SRPRA: variants seen among roughly 807,000 people sequenced by gnomAD.
SRPRA encodes SRP receptor subunit alpha, also known as signal recognition particle receptor subunit alpha.
A neutral mutation model predicts 61.1 loss-of-function variants in SRPRA; 30 were observed. The ratio of observed to expected loss-of-function variants is 0.49; its 90% CI spans 0.37 to 0.67. SRPRA has a LOEUF of 0.67. SRPRA is among the 30% of genes least tolerant of loss of function. The pLI, the probability that SRPRA is intolerant of heterozygous loss-of-function variation, is 0.00. For synonymous variants in SRPRA, 324 were observed against 299.7 expected, an observed-to-expected ratio of 1.08 and a Z score of -0.84; for missense variants, 759 against 828.4, an observed-to-expected ratio of 0.92 and a Z score of 1.03.
downstream of SRPRA, chr11:126,262,169 T>C: frequency 6.2e-7 from 1 of 1,608,952 alleles, no homozygotes; most frequent in South Asian, 1.1e-5. Flanking sequence ...TAGACCAAGC[T>C]GTAAGGCCCT....
At chr11:126,261,584 G>C, downstream of SRPRA, 1 of 939,592 alleles carries the variant, frequency 1.1e-6, no homozygotes. Flanking sequence ...ACCTCACATT[G>C]CCAAATTTTA....
chr11:126,243,916 A>AG, the SRPRA span, among the ~76,000 whole-genome samples: 1 of 152,062 alleles, frequency 6.6e-6, no homozygotes, highest in Non-Finnish European at 1.5e-5. Flanking sequence ...AAAAAAAAAA[A>AG]AAAGTCTGCA....
At chr11:126,261,543 T>G, downstream of SRPRA, 1 of 1,417,990 alleles carries the variant, frequency 7.1e-7, no homozygotes. Context: ...TTCTAGGTCC[T>G]TGGTTAAGAA....
rs755316277 is a variant in SRPRA at position 126,267,126 on chromosome 11, C to G, written c.526+49G>C. On this transcript the variant is annotated intron_variant, in intron 4 of 13. Coordinates refer to ENST00000332118, the MANE Select transcript of SRPRA (RefSeq NM_003139.4). This position sits in a 1 kb window ranked among gnomAD's most constrained non-coding sequence, Gnocchi z 4.2. ...GAAGGACCACCTCAGTCCTTAGCAC[C>G]GTGTTAACACCTTTCATGTCCCAGT... 1 of 1,608,178 alleles carries G rather than the reference C, an allele frequency of 6.2e-7. No homozygotes were observed. Among genetic ancestry groups the G allele is most frequent in the South Asian group, 1.1e-5 (1 of 90,436 alleles).
At chr11:126,258,028 CA>C (rs1425519127), downstream of SRPRA, among the ~76,000 whole-genome samples, 3 of 152,112 alleles carry the variant, frequency 2.0e-5, no homozygotes, top group African/African-American at 7.2e-5. Flanking sequence ...CATCTAATTC[CA>C]AAAAAACTTG....
chr11:126,264,738 A>G lies in SRPRA; in HGVS notation c.1526-199T>C. ...TCAGGAAAAGGAGGACAACAGGATG[A>G]AGGTGACCAAATTCAGGTTTCTCTG... On this transcript the variant is annotated intron_variant, in intron 11 of 13. Coordinates refer to ENST00000332118, the MANE Select transcript of SRPRA (RefSeq NM_003139.4). This position sits in a 1 kb window ranked among gnomAD's most constrained non-coding sequence, Gnocchi z 5.0. 1.3e-6 allele frequency: 1 copy of G among 760,212 alleles called. No homozygotes were observed. The allele number at this position is 760,212 out of a possible 1,614,324, so 47.1% of individuals were successfully genotyped here. A position where few individuals can be genotyped will look rare whatever the true frequency, so the allele number is the denominator to read the frequency against.
At position 126,264,699 on chromosome 11, in the gene SRPRA, A is replaced by G. The variant is rs918785979; in HGVS notation, c.1526-160T>C. On this transcript the variant is annotated intron_variant, in intron 11 of 13. Transcript: ENST00000332118. This position sits in a 1 kb window ranked among gnomAD's most constrained non-coding sequence, Gnocchi z 5.0. Reference sequence around the variant, plus strand: ...GAAAAACTTGATTATATGCTTGGCCATCACCAAACATATTCAGGAAAAGGA... The same window carrying G: ...GAAAAACTTGATTATATGCTTGGCCGTCACCAAACATATTCAGGAAAAGGA... 15 of 871,996 alleles carry G rather than the reference A, an allele frequency of 1.7e-5. No individual in the cohort carries two copies. Among genetic ancestry groups the G allele is most frequent in the Non-Finnish European group, 2.6e-5 (15 of 584,154 alleles). 54.0% of individuals were successfully genotyped at this position (871,996 alleles called of 1,614,324 possible).
the SRPRA span, chr11:126,250,507 G>A: frequency 7.5e-6 from 12 of 1,610,448 alleles, no homozygotes; most frequent in South Asian, 3.3e-5. The surrounding 1 kb of genome is among the most constrained non-coding windows in gnomAD (Gnocchi z 5.1). Context: ...CCTCCTCAGC[G>A]TACCAGTAAT....
At position 126,265,380 on chromosome 11, in the gene SRPRA, TG is replaced by T; in HGVS notation, c.1198del (p.Gln400SerfsTer4). ...QESLVQILQPQRRVDMLRDIM... is the reference protein window; with the variant it reads ...QESLVQILQPXRRVDMLRDIM... ...GTCCCGGAGCATGTCTACACGACGCTGTGGCTGCAGAATCTGCACCAGGGAC... is the reference window on the plus strand; with the variant it reads ...GTCCCGGAGCATGTCTACACGACGCTTGGCTGCAGAATCTGCACCAGGGAC... On this transcript the variant is annotated frameshift_variant, in exon 10 of 14. Transcript: ENST00000332118. LOFTEE classifies it high-confidence loss of function. This position sits in a 1 kb window ranked among gnomAD's most constrained non-coding sequence, Gnocchi z 6.3. 6.2e-7 allele frequency: 1 copy of T among 1,614,100 alleles called. No individual in the cohort carries two copies. Among genetic ancestry groups the T allele is most frequent in the Non-Finnish European group, 8.5e-7 (1 of 1,180,048 alleles).
At chr11:126,262,926 C>G (rs1950732227), downstream of SRPRA, 1 of 152,588 alleles carries the variant, frequency 6.6e-6, no homozygotes, top group Non-Finnish European at 1.5e-5. Context: ...AACTCCAAGA[C>G]CTAAAAGGCA....
chr11:126,250,697 A>G, the SRPRA span: 4 of 1,614,106 alleles, frequency 2.5e-6, no homozygotes. The surrounding 1 kb of genome is among the most constrained non-coding windows in gnomAD (Gnocchi z 5.1). Flanking sequence ...ATCAGGGGAA[A>G]CAGCTTGAAT....
intron 6 of SRPRA, 61 bp downstream of exon 6, chr11:126,266,415 C>A: frequency 1.9e-6 from 3 of 1,598,862 alleles, no homozygotes; most frequent in Non-Finnish European, 2.6e-6. Flanking sequence ...TATCACGTTC[C>A]CACACTCTAC....
chr11:126,261,396 A>C, downstream of SRPRA: 2 of 1,603,504 alleles, frequency 1.2e-6, no homozygotes, highest in Non-Finnish European at 1.7e-6. Flanking sequence ...TTTTCAGTCT[A>C]ATGTCTGATG....
the SRPRA span, among the ~76,000 whole-genome samples, chr11:126,253,578 T>C: frequency 4.6e-5 from 7 of 152,320 alleles, no homozygotes; most frequent in African/African-American, 1.7e-4. The surrounding 1 kb of genome is among the most constrained non-coding windows in gnomAD (Gnocchi z 5.1). Flanking sequence ...TAACAACAAA[T>C]ATCTTATCTG....
the SRPRA span, among the ~76,000 whole-genome samples, chr11:126,248,526 C>T: frequency 2.0e-5 from 3 of 151,748 alleles, no homozygotes; most frequent in Admixed American, 1.3e-4. Context: ...ACCACCACCA[C>T]GCCCAGCTAA....
the SRPRA span, among the ~76,000 whole-genome samples, chr11:126,237,751 G>A: frequency 6.8e-6 from 1 of 147,432 alleles, no homozygotes; most frequent in African/African-American, 2.5e-5. Flanking sequence ...CAGCTACTCG[G>A]GAGGCTGAGG....
At chr11:126,249,199 A>G in the SRPRA span, among the ~76,000 whole-genome samples, 13 of 151,980 alleles carry the variant, frequency 8.6e-5, no homozygotes, top group Admixed American at 7.9e-4. Context: ...ACATAGCCAG[A>G]CCTCACATCT....
the SRPRA span, chr11:126,254,510 G>A: frequency 6.4e-7 from 1 of 1,560,168 alleles, no homozygotes; most frequent in Non-Finnish European, 8.8e-7. Flanking sequence ...GATCTTAAAG[G>A]GGAACATCTT....
chr11:126,264,909 A>G lies in SRPRA; in HGVS notation c.1525+50T>C. On this transcript the variant is annotated intron_variant, in intron 11 of 13. Transcript: ENST00000332118. The surrounding 1 kb of genome is among the most constrained non-coding windows in gnomAD (Gnocchi z 5.0). ...CTTCTGCAAATTCCAAGAGAACCCA[A>G]GGAGAAAAAGGGACCCCAAATAAGC... is the stretch of plus-strand genomic sequence containing the variant. 2 of 1,543,232 alleles carry G rather than the reference A, an allele frequency of 1.3e-6. No individual in the cohort carries two copies. Among genetic ancestry groups the G allele is most frequent in the Middle Eastern group, 1.7e-4 (1 of 5,874 alleles).
Sources: gnomAD v4.1 joint callset for allele counts (sites outside exome capture counted in the v4.1 genomes callset) on GRCh38, gnomAD v4.1.1 for gene constraint, Gnocchi (gnomAD v3.1) non-coding constraint, MANE v1.5 for transcripts, NCBI Gene and HGNC (gene_info 2026-07-23, HGNC 2026-07-21) for gene names.